The following ARRDC4 variants were observed in gnomAD, a reference collection of about 807,000 sequenced individuals.
ARRDC4 encodes the protein arrestin domain containing 4, also known as arrestin domain-containing protein 4.
A neutral mutation model predicts 44.6 loss-of-function variants in ARRDC4; 40 were observed. The observed-to-expected ratio is 0.90, with a 90% CI of 0.70 to 1.17. The LOEUF is 1.17. ARRDC4 is among the 50% of genes most tolerant of loss of function. The pLI, the probability that ARRDC4 is intolerant of heterozygous loss-of-function variation, is 0.00. For synonymous variants in ARRDC4, 211 were observed against 221.2 expected, an observed-to-expected ratio of 0.95 and a Z score of 0.41; for missense variants, 550 against 559.1, an observed-to-expected ratio of 0.98 and a Z score of 0.16.
chr15:97,970,452 T>C lies in ARRDC4; in HGVS notation c.1046-137T>C. The C allele has an allele frequency of 1.1e-6, 1 of 875,284 alleles. No individual in the cohort carries two copies. Among genetic ancestry groups the C allele is most frequent in the Non-Finnish European group, 1.7e-6 (1 of 586,058 alleles). 54.2% of individuals were successfully genotyped at this position (875,284 alleles called of 1,614,324 possible). A position where few individuals can be genotyped will look rare whatever the true frequency, so the allele number is the denominator to read the frequency against. On this transcript the variant is annotated intron_variant, in intron 6 of 7. Transcript: ENST00000268042. This position sits in a 1 kb window ranked among gnomAD's most constrained non-coding sequence, Gnocchi z 4.2. Reference sequence around the variant, plus strand: ...AATCTATTTTTTATTGTAATATGCATAAAACCTTGCTGATTAGAGGGAAAG... The same window carrying C: ...AATCTATTTTTTATTGTAATATGCACAAAACCTTGCTGATTAGAGGGAAAG...
At chr15:97,969,822 C>T (rs1899477121) in intron 5 of ARRDC4, 61 bp from the exon 6 acceptor site, 1 of 1,428,964 alleles carries the variant, frequency 7.0e-7, no homozygotes, top group East Asian at 2.3e-5. Flanking sequence ...ATTGGGCTAC[C>T]TACTGGAGGT....
At chr15:97,961,432 T>A (rs1268788044) in intron 1 of ARRDC4, among the ~76,000 whole-genome samples, 1 of 152,142 alleles carries the variant, frequency 6.6e-6, no homozygotes, top group Non-Finnish European at 1.5e-5. Context: ...AGGGGGCCAT[T>A]GGGTGCGGTG....
rs1899442334 is a variant in ARRDC4 at position 97,967,766 on chromosome 15, G to A, written c.523-248G>A. On this transcript the variant is annotated intron_variant, in intron 3 of 7. Transcript: ENST00000268042. This position sits in a 1 kb window ranked among gnomAD's most constrained non-coding sequence, Gnocchi z 5.0. The stretch of plus-strand genomic sequence containing the variant: ...TTCCTGGAAACATAATGACTTCAGG[G>A]TAAAATAAGATGGTGTCATGCTAAT... 6.6e-6 allele frequency among the ~76,000 whole-genome samples: 1 copy of A among 151,594 alleles called. No homozygotes were observed. Among genetic ancestry groups the A allele is most frequent in the Non-Finnish European group, 1.5e-5 (1 of 67,956 alleles).
At position 97,966,373 on chromosome 15, in the gene ARRDC4, G is replaced by A. The variant is rs1406314094; in HGVS notation, c.522+331G>A. Reference sequence around the variant, plus strand: ...ACAGAGAGTAGTTACTTTTACCAGAGTGGCCACATTTACAGGACTGGGGTA... The same window carrying A: ...ACAGAGAGTAGTTACTTTTACCAGAATGGCCACATTTACAGGACTGGGGTA... On this transcript the variant is annotated intron_variant, in intron 3 of 7. Transcript: ENST00000268042. The surrounding 1 kb of genome is among the most constrained non-coding windows in gnomAD (Gnocchi z 4.7). 6.6e-6 allele frequency among the ~76,000 whole-genome samples: 1 copy of A among 152,122 alleles called. No homozygotes were observed. The highest frequency in any genetic ancestry group is 1.5e-5 in the Non-Finnish European group (1 of 68,034).
rs1021612822 is a variant in ARRDC4 at position 97,960,745 on chromosome 15, G to A, written c.-117G>A. 3.2e-6 allele frequency: 3 copies of A among 942,636 alleles called. No individual in the cohort carries two copies. The highest frequency in any genetic ancestry group is 3.4e-5 in the East Asian group (1 of 29,374). The allele number at this position is 942,636 out of a possible 1,614,324, so 58.4% of individuals were successfully genotyped here. On this transcript the variant is annotated 5_prime_UTR_variant, in exon 1 of 8. Transcript: ENST00000268042. Reference sequence around the variant, plus strand: ...GCCGGTGCCCCATCGGGTACCGCACGGCTGCCGCGGCGGCCTTACCCTGCC... The same window carrying A: ...GCCGGTGCCCCATCGGGTACCGCACAGCTGCCGCGGCGGCCTTACCCTGCC...
Position 97,967,902 on chromosome 15 carries a change from ATT to A in ARRDC4, c.523-106_523-105del. ...ACATGAGGATAAGAAAGTTTGATTC[ATT>A]TTTTTGGTATTTCCTTACAACCATT... On this transcript the variant is annotated intron_variant, in intron 3 of 7. Coordinates refer to ENST00000268042, the MANE Select transcript of ARRDC4 (RefSeq NM_183376.3). The surrounding 1 kb of genome is among the most constrained non-coding windows in gnomAD (Gnocchi z 5.0). 1.6e-6 allele frequency: 1 copy of A among 620,942 alleles called. No homozygotes were observed. The highest frequency in any genetic ancestry group is 3.0e-5 in the East Asian group (1 of 33,046). 38.5% of individuals were successfully genotyped at this position (620,942 alleles called of 1,614,324 possible).
Position 97,970,582 on chromosome 15 carries a change from A to G in ARRDC4, c.1046-7A>G, listed in dbSNP as rs1220431482. The G allele has an allele frequency of 1.9e-6, 3 of 1,597,140 alleles. No homozygotes were observed. The highest frequency in any genetic ancestry group is 2.7e-5 in the African/African-American group (2 of 74,546). On this transcript the variant is annotated splice_polypyrimidine_tract_variant and splice_region_variant and intron_variant, in intron 6 of 7. Transcript: ENST00000268042. The surrounding 1 kb of genome is among the most constrained non-coding windows in gnomAD (Gnocchi z 4.2). ...ATTTCTTAACTCCAACTTCATTTCT[A>G]TTTCAGCACCACCAAATTATGCAGA...
chr15:97,966,356 T>A lies in ARRDC4; in HGVS notation c.522+314T>A, dbSNP rs1899419912. Among the ~76,000 whole-genome samples, 1 of 151,980 alleles carries A rather than the reference T, an allele frequency of 6.6e-6. No homozygotes were observed. The highest frequency in any genetic ancestry group is 6.6e-5 in the Admixed American group (1 of 15,256). On this transcript the variant is annotated intron_variant, in intron 3 of 7. Transcript: ENST00000268042. This position sits in a 1 kb window ranked among gnomAD's most constrained non-coding sequence, Gnocchi z 4.7. ...ATAACAATAATGCACACACAGAGAG[T>A]AGTTACTTTTACCAGAGTGGCCACA...
At position 97,970,369 on chromosome 15, in the gene ARRDC4, TTACC is replaced by T; in HGVS notation, c.1046-217_1046-214del. 1.3e-5 allele frequency among the ~76,000 whole-genome samples: 2 copies of T among 152,296 alleles called. No individual in the cohort carries two copies. The highest frequency in any genetic ancestry group is 2.1e-4 in the South Asian group (1 of 4,826). On this transcript the variant is annotated intron_variant, in intron 6 of 7. Coordinates refer to ENST00000268042, the MANE Select transcript of ARRDC4 (RefSeq NM_183376.3). This position sits in a 1 kb window ranked among gnomAD's most constrained non-coding sequence, Gnocchi z 4.2. ...ATAGTCATATTTCAGTGATATTTGT[TTACC>T]TATATCTCAAGAGACTAGAATAGAA...
chr15:97,966,150 G>T lies in ARRDC4; in HGVS notation c.522+108G>T. ...AGCCAGTTTACTGGTAGTCTGTCCT[G>T]TCACTTTCTGATGGCTTGGAAAACA... On this transcript the variant is annotated intron_variant, in intron 3 of 7. Transcript: ENST00000268042. The surrounding 1 kb of genome is among the most constrained non-coding windows in gnomAD (Gnocchi z 4.7). 7.9e-7 allele frequency: 1 copy of T among 1,262,732 alleles called. No individual in the cohort carries two copies. The highest frequency in any genetic ancestry group is 1.1e-6 in the Non-Finnish European group (1 of 915,538). 78.2% of individuals were successfully genotyped at this position (1,262,732 alleles called of 1,614,324 possible).
chr15:97,972,822 G>C lies in ARRDC4; in HGVS notation c.*1635G>C, dbSNP rs186463925. The C allele has an allele frequency of 6.5e-6, 1 of 152,710 alleles. No individual in the cohort carries two copies. Among genetic ancestry groups the C allele is most frequent in the East Asian group, 1.9e-4 (1 of 5,184 alleles). The allele number at this position is 152,710 out of a possible 1,614,324, so 9.5% of individuals were successfully genotyped here. Reference sequence around the variant, plus strand: ...TAAAAGTTAGTTGGCCATTTGATCAGGGAATTTTCTACACACATTAGGCAA... The same window carrying C: ...TAAAAGTTAGTTGGCCATTTGATCACGGAATTTTCTACACACATTAGGCAA... On this transcript the variant is annotated 3_prime_UTR_variant, in exon 8 of 8. Transcript: ENST00000268042. This position sits in a 1 kb window ranked among gnomAD's most constrained non-coding sequence, Gnocchi z 5.3.
At position 97,961,081 on chromosome 15, in the gene ARRDC4, C is replaced by T. The variant is rs1473861798; in HGVS notation, c.220C>T (p.Arg74Cys). ...CGCCTGGGGCCCGAGCACCTGCCCC[C>T]GCGCCTCGGCCAGCACCGCGGCCCT... Reference protein sequence around the residue: ...TAAWGPSTCPRASASTAALAV... With the variant: ...TAAWGPSTCPCASASTAALAV... Residue 74 changes from arginine to cysteine, a missense_variant, in exon 1 of 8, where the codon CGC becomes TGC. Arg to Cys is a radical substitution (Grantham distance 180, BLOSUM62 -3). Coordinates refer to ENST00000268042, the MANE Select transcript of ARRDC4 (RefSeq NM_183376.3). 1.4e-6 allele frequency: 2 copies of T among 1,437,078 alleles called. No individual in the cohort carries two copies. Among genetic ancestry groups the T allele is most frequent in the Admixed American group, 2.8e-5 (1 of 36,046 alleles). 89.0% of individuals were successfully genotyped at this position (1,437,078 alleles called of 1,614,324 possible).
rs1038240969 is a variant in ARRDC4, at chr15:97,966,398, A to G, written c.522+356A>G. On this transcript the variant is annotated intron_variant, in intron 3 of 7. Transcript: ENST00000268042. The surrounding 1 kb of genome is among the most constrained non-coding windows in gnomAD (Gnocchi z 4.7). Reference sequence around the variant, plus strand: ...GTGGCCACATTTACAGGACTGGGGTATTCTAAACTCCTCAATAATAGCAGG... The same window carrying G: ...GTGGCCACATTTACAGGACTGGGGTGTTCTAAACTCCTCAATAATAGCAGG... Among the ~76,000 whole-genome samples the G allele has an allele frequency of 1.3e-5, 2 of 152,200 alleles. No homozygotes were observed.
rs1243352246 is a variant in ARRDC4, at chr15:97,969,197, C to T, written c.700C>T (p.Gln234Ter). 1.2e-6 allele frequency: 2 copies of T among 1,613,656 alleles called. No individual in the cohort carries two copies. The highest frequency in any genetic ancestry group is 1.7e-5 in the Admixed American group (1 of 59,904). ...GATTGTTCCAAAGGCTGCTATTTTCCAAACGCAGACATATTTGGCTAGTGG... is the reference window on the plus strand; with the variant it reads ...GATTGTTCCAAAGGCTGCTATTTTCTAAACGCAGACATATTTGGCTAGTGG... Reference protein sequence around the residue: ...RLIVPKAAIFQTQTYLASGKT... With the variant: ...RLIVPKAAIF Residue 234 changes from glutamine (Q) to a stop codon, truncating the protein, a stop_gained, in exon 5 of 8, where the codon CAA becomes TAA. Transcript: ENST00000268042. LOFTEE classifies it high-confidence loss of function.
At position 97,970,556 on chromosome 15, in the gene ARRDC4, G is replaced by T; in HGVS notation, c.1046-33G>T. 1.3e-6 allele frequency: 2 copies of T among 1,575,486 alleles called. No homozygotes were observed. The highest frequency in any genetic ancestry group is 1.1e-5 in the South Asian group (1 of 87,042). The stretch of plus-strand genomic sequence containing the variant: ...AAGAATCGAGATTAATTTTTGAGTG[G>T]ATTTCTTAACTCCAACTTCATTTCT... On this transcript the variant is annotated intron_variant, in intron 6 of 7. Transcript: ENST00000268042. The surrounding 1 kb of genome is among the most constrained non-coding windows in gnomAD (Gnocchi z 4.2).
At chr15:97,969,087 G>C in intron 4 of ARRDC4, 36 bp from the exon 5 acceptor site, 1 of 1,601,844 alleles carries the variant, frequency 6.2e-7, no homozygotes, top group African/African-American at 1.3e-5. Flanking sequence ...TTTTTCAAGA[G>C]TCTCTGAATC....
At position 97,963,117 on chromosome 15, in the gene ARRDC4, A is replaced by C. The variant is rs531373559; in HGVS notation, c.307+1949A>C. Among the ~76,000 whole-genome samples, 6 of 152,288 alleles carry C rather than the reference A, an allele frequency of 3.9e-5. No homozygotes were observed. The East Asian group carries it at 1.2e-3, about 29-fold the overall frequency. On this transcript the variant is annotated intron_variant, in intron 1 of 7. Coordinates refer to ENST00000268042, the MANE Select transcript of ARRDC4 (RefSeq NM_183376.3). ...AAGTCCCTCACCCTTCCTGAGCCCCAGTCTCTGCCTCTGTAATGGTCTTCT... is the reference window on the plus strand; with the variant it reads ...AAGTCCCTCACCCTTCCTGAGCCCCCGTCTCTGCCTCTGTAATGGTCTTCT...
rs1899416600 is a variant in ARRDC4, at chr15:97,966,116, T to A, written c.522+74T>A. 2 of 1,524,016 alleles carry A rather than the reference T, an allele frequency of 1.3e-6. No homozygotes were observed. Among genetic ancestry groups the A allele is most frequent in the Non-Finnish European group, 1.8e-6 (2 of 1,120,266 alleles). 94.4% of individuals were successfully genotyped at this position (1,524,016 alleles called of 1,614,324 possible). A position where few individuals can be genotyped will look rare whatever the true frequency, so the allele number is the denominator to read the frequency against. On this transcript the variant is annotated intron_variant, in intron 3 of 7. Coordinates refer to ENST00000268042, the MANE Select transcript of ARRDC4 (RefSeq NM_183376.3). This position sits in a 1 kb window ranked among gnomAD's most constrained non-coding sequence, Gnocchi z 4.7. ...TTCCTCCTTCCTTTCAACAGTGGGA[T>A]CTATATTTAGCCAGTTTACTGGTAG...
chr15:97,964,318 T>A (rs1899377769), intron 1 of ARRDC4, among the ~76,000 whole-genome samples: 1 of 152,118 alleles, frequency 6.6e-6, no homozygotes, highest in Admixed American at 6.6e-5. Flanking sequence ...AAAGTAGAAA[T>A]CTTCATTTTA....
Sources: gnomAD v4.1 joint callset for allele counts (sites outside exome capture counted in the v4.1 genomes callset) on GRCh38, gnomAD v4.1.1 for gene constraint, Gnocchi (gnomAD v3.1) non-coding constraint, MANE v1.5 for transcripts, NCBI Gene and HGNC (gene_info 2026-07-23, HGNC 2026-07-21) for gene names.